The following RICTOR variants were observed in gnomAD, a reference collection of about 807,000 sequenced individuals.
RICTOR encodes rapamycin-insensitive companion of mTOR.
Under a neutral mutation model 214.9 loss-of-function variants are expected in RICTOR, and 49 were observed. The ratio of observed to expected loss-of-function variants is 0.23; its 90% CI spans 0.18 to 0.29. RICTOR has a LOEUF of 0.29. Ranked by LOEUF, RICTOR falls within the 10% of genes least tolerant of loss-of-function variation. The pLI is 1.00. For missense variants in RICTOR, 1,625 were observed against 2,047.0 expected (o/e 0.79, Z 3.98); for synonymous variants, 717 against 711.3 (o/e 1.01, Z -0.13).
At chr5:39,013,979 T>A (rs1754746616) in intron 3 of RICTOR, among the ~76,000 whole-genome samples, 2 of 152,166 alleles carry the variant, frequency 1.3e-5, no homozygotes, top group African/African-American at 4.8e-5. Context: ...AAGATTATAA[T>A]ACTATATTTT....
intron 29 of RICTOR, among the ~76,000 whole-genome samples, chr5:38,952,655 A>G (rs1748895394): frequency 6.6e-6 from 1 of 151,960 alleles, no homozygotes; most frequent in African/African-American, 2.4e-5. Context: ...AATAAAAAGA[A>G]CACAATGCAA....
chr5:38,967,825 T>C (rs143173423), intron 12 of RICTOR, 118 bp downstream of exon 12: 1 of 572,266 alleles, frequency 1.7e-6, no homozygotes, highest in African/African-American at 1.9e-5. Flanking sequence ...CCTGTCACAA[T>C]TATGCAGCAA....
intron 2 of RICTOR, among the ~76,000 whole-genome samples, chr5:39,071,788 T>C (rs1759344031): frequency 6.6e-6 from 1 of 152,162 alleles, no homozygotes; most frequent in African/African-American, 2.4e-5. Flanking sequence ...ACACAATGAA[T>C]CTCTCAAAGA....
chr5:38,999,413 T>C (rs569952374), intron 5 of RICTOR, among the ~76,000 whole-genome samples: 68 of 152,094 alleles, frequency 4.5e-4, no homozygotes, highest in African/African-American at 1.6e-3. Flanking sequence ...AGACAACAAC[T>C]GAAGCATTGA....
chr5:38,943,062 C>T, intron 36 of RICTOR, 91 bp from the exon 37 acceptor site: 1 of 888,180 alleles, frequency 1.1e-6, no homozygotes, highest in Non-Finnish European at 1.8e-6. Context: ...AATAGATTTC[C>T]CTACAGATAT....
At chr5:38,989,681 T>G (rs1752439700) in intron 7 of RICTOR, among the ~76,000 whole-genome samples, 1 of 151,922 alleles carries the variant, frequency 6.6e-6, no homozygotes, top group Non-Finnish European at 1.5e-5. Flanking sequence ...CATCAAAAAG[T>G]GGGCAAAGGA....
intron 3 of RICTOR, among the ~76,000 whole-genome samples, chr5:39,010,462 A>G (rs1754420638): frequency 6.6e-6 from 1 of 152,206 alleles, no homozygotes; most frequent in South Asian, 2.1e-4. Context: ...GACATGTGGA[A>G]GTGACTTTGG....
intron 7 of RICTOR, among the ~76,000 whole-genome samples, chr5:38,984,067 A>G (rs1751951721): frequency 6.6e-6 from 1 of 152,138 alleles, no homozygotes; most frequent in Non-Finnish European, 1.5e-5. Flanking sequence ...TTTTTAAAAC[A>G]AAAGTACCTG....
At position 38,995,162 on chromosome 5, in the gene RICTOR, C is replaced by T. The variant is rs373291098; in HGVS notation, c.456+1657G>A. On this transcript the variant is annotated intron_variant, in intron 6 of 37. Coordinates refer to ENST00000357387, the MANE Select transcript of RICTOR (RefSeq NM_152756.5). ...TATTTTTTGGAAAATATAGTCATTC[C>T]TAAGTGCCCATCAACCAATGAGTGG... 4.6e-5 allele frequency among the ~76,000 whole-genome samples: 7 copies of T among 152,202 alleles called. No individual in the cohort carries two copies. The East Asian group carries it at 9.6e-4, about 21-fold the overall frequency.
At chr5:38,960,850 T>C (rs1256397241) in intron 19 of RICTOR, among the ~76,000 whole-genome samples, 2 of 152,012 alleles carry the variant, frequency 1.3e-5, no homozygotes, top group Non-Finnish European at 1.5e-5. Flanking sequence ...CATCTGATGG[T>C]TTTATCACCA....
intron 2 of RICTOR, among the ~76,000 whole-genome samples, 180 bp downstream of exon 2, chr5:39,073,931 G>T (rs1759519159): frequency 3.3e-5 from 5 of 151,870 alleles, no homozygotes; most frequent in Admixed American, 3.3e-4. Flanking sequence ...TGGGTAGGGG[G>T]ATGGGTCCGG....
At chr5:39,055,621 T>G (rs1007227607) in intron 2 of RICTOR, among the ~76,000 whole-genome samples, 3 of 152,144 alleles carry the variant, frequency 2.0e-5, no homozygotes, top group African/African-American at 7.2e-5. Flanking sequence ...CAACAAATAT[T>G]TGTCTAGTGT....
intron 2 of RICTOR, among the ~76,000 whole-genome samples, chr5:39,070,914 C>T (rs764074547): frequency 1.3e-5 from 2 of 152,204 alleles, no homozygotes; most frequent in African/African-American, 2.4e-5. Flanking sequence ...TGGGGACTTT[C>T]ACAAATTAAG....
At position 38,950,523 on chromosome 5, in the gene RICTOR, G is replaced by A. The variant is rs1413326068; in HGVS notation, c.3325C>T (p.His1109Tyr). The change falls in exon 31 of 38, where the codon CAT (histidine) becomes TAT (tyrosine). Residue 1109 changes from histidine (H) to tyrosine (Y), a missense_variant. Physicochemically the swap from His to Tyr is moderately conservative, Grantham distance 83. Coordinates refer to ENST00000357387, the MANE Select transcript of RICTOR (RefSeq NM_152756.5). ...CCTTTTGGATCACTGCTACTACGAT[G>A]TTTTTTGTTAGGCAAAGTAAGCGAA... ...LNSLTLPNKK[H>Y]RSSSDPKGGK... The A allele has an allele frequency of 6.2e-7, 1 of 1,613,024 alleles. No individual in the cohort carries two copies. Among genetic ancestry groups the A allele is most frequent in the African/African-American group, 1.3e-5 (1 of 74,798 alleles).
chr5:39,048,378 C>T (rs1462806958), intron 2 of RICTOR, among the ~76,000 whole-genome samples: 1 of 152,220 alleles, frequency 6.6e-6, no homozygotes, highest in East Asian at 1.9e-4. Context: ...AGGTGGCTCA[C>T]TGGACCTAAA....
intron 19 of RICTOR, among the ~76,000 whole-genome samples, 172 bp from the exon 20 acceptor site, chr5:38,960,705 T>G (rs1749719175): frequency 1.3e-5 from 2 of 151,754 alleles, no homozygotes; most frequent in Admixed American, 6.6e-5. Flanking sequence ...GGTCTGCCTG[T>G]GCCCCCACCC....
intron 3 of RICTOR, among the ~76,000 whole-genome samples, chr5:39,004,776 C>CTTTTTTTT (rs70982534): frequency 2.8e-5 from 3 of 105,832 alleles, no homozygotes; most frequent in South Asian, 3.2e-4. Context: ...CTCTCAGACT[C>CTTTTTTTT]TTTTTTTTTT....
chr5:38,979,342 C>T (rs754618998), intron 8 of RICTOR, among the ~76,000 whole-genome samples: 1 of 152,086 alleles, frequency 6.6e-6, no homozygotes, highest in Non-Finnish European at 1.5e-5. Context: ...ATCTTGTCTA[C>T]GGCATTACTG....
intron 2 of RICTOR, among the ~76,000 whole-genome samples, chr5:39,045,132 G>A (rs1275910670): frequency 6.6e-6 from 1 of 152,132 alleles, no homozygotes; most frequent in East Asian, 1.9e-4. Context: ...CCTGTTAAAA[G>A]ATAATTTGTG....
Sources: gnomAD v4.1 joint callset for allele counts (sites outside exome capture counted in the v4.1 genomes callset) on GRCh38, gnomAD v4.1.1 for gene constraint, MANE v1.5 for transcripts, NCBI Gene and HGNC (gene_info 2026-07-23, HGNC 2026-07-21) for gene names.